Variants in ARL13B observed in about 807,000 individuals in gnomAD.
ARL13B encodes the protein ADP-ribosylation factor-like protein 13B.
A neutral mutation model predicts 56.1 loss-of-function variants in ARL13B; 36 were observed. The ratio of observed to expected loss-of-function variants is 0.64; its 90% CI spans 0.49 to 0.85. The LOEUF is 0.85. Among genes scored for constraint, ARL13B ranks in the 40% least tolerant of loss-of-function variants. The pLI, the probability that ARL13B is intolerant of heterozygous loss-of-function variation, is 0.00. For synonymous variants in ARL13B, 178 were observed against 171.1 expected (o/e 1.04, Z -0.32); for missense variants, 519 against 507.1 (o/e 1.02, Z -0.23).
At chr3:94,052,288 A>T (rs545225575) in intron 9 of ARL13B, among the ~76,000 whole-genome samples, 67 of 152,262 alleles carry the variant, frequency 4.4e-4, no homozygotes, top group Non-Finnish European at 7.9e-4. Flanking sequence ...GATGAATAAG[A>T]TGTACATTCT....
chr3:94,046,388 T>G (rs1402800544), intron 7 of ARL13B, among the ~76,000 whole-genome samples: 1 of 152,142 alleles, frequency 6.6e-6, no homozygotes, highest in East Asian at 1.9e-4. Context: ...TATATACTAT[T>G]CCTTGAATAT....
At chr3:94,026,571 G>A (rs1430886961) in intron 3 of ARL13B, among the ~76,000 whole-genome samples, 16 of 152,232 alleles carry the variant, frequency 1.1e-4, no homozygotes, top group Non-Finnish European at 8.8e-5. Flanking sequence ...GAATTAGAAT[G>A]TTAGGCAAAA....
At chr3:94,032,570 C>T (rs895862453) in intron 3 of ARL13B, among the ~76,000 whole-genome samples, 1 of 152,002 alleles carries the variant, frequency 6.6e-6, no homozygotes, top group Non-Finnish European at 1.5e-5. Flanking sequence ...GATCTCGGCT[C>T]ACTGCAAGCT....
At position 94,029,134 on chromosome 3, in the gene ARL13B, T is replaced by G. The variant is rs1437082383; in HGVS notation, c.381-6197T>G. Reference sequence around the variant, plus strand: ...CAGCAATATATGTTAAATCATTTATTTTGTCAATATAACAACTCAAAATTA... The same window carrying G: ...CAGCAATATATGTTAAATCATTTATGTTGTCAATATAACAACTCAAAATTA... On this transcript the variant is annotated intron_variant, in intron 3 of 9. Coordinates refer to ENST00000394222, the MANE Select transcript of ARL13B (RefSeq NM_001174150.2). 2.0e-5 allele frequency among the ~76,000 whole-genome samples: 3 copies of G among 150,968 alleles called. 1 individual carries two copies. In the East Asian group the frequency reaches 5.8e-4, roughly 29 times the overall value.
chr3:94,051,018 T>C (rs2077058649), intron 9 of ARL13B, 126 bp downstream of exon 9: 4 of 768,996 alleles, frequency 5.2e-6, no homozygotes, highest in Non-Finnish European at 8.4e-6. Flanking sequence ...GCTATCCTTT[T>C]TCATTATACG....
chr3:94,049,884 G>A (rs1015732681), intron 8 of ARL13B, among the ~76,000 whole-genome samples: 1 of 151,790 alleles, frequency 6.6e-6, no homozygotes, highest in East Asian at 1.9e-4. Context: ...TCGGCATGGT[G>A]GCTGACACCT....
At chr3:94,005,315 G>T (rs1039688313) in intron 3 of ARL13B, among the ~76,000 whole-genome samples, 1 of 152,126 alleles carries the variant, frequency 6.6e-6, no homozygotes, top group Admixed American at 6.5e-5. Context: ...ACAAGTAAAA[G>T]AATATCAGAA....
At chr3:94,052,171 A>T (rs532868137) in intron 9 of ARL13B, among the ~76,000 whole-genome samples, 1 of 152,186 alleles carries the variant, frequency 6.6e-6, no homozygotes, top group Non-Finnish European at 1.5e-5. Context: ...TTATATGTAC[A>T]CACATACATA....
At position 94,053,228 on chromosome 3, in the gene ARL13B, CG is replaced by C; in HGVS notation, c.1253del (p.Arg418HisfsTer9). ...KPLPPLAVPQ[R>X]PNSDAHDVIS is the part of the protein sequence containing the mutation. ...ACTGCCTCCCCTGGCTGTGCCACAGCGACCTAACAGTGATGCTCATGATGTG... is the reference window on the plus strand; with the variant it reads ...ACTGCCTCCCCTGGCTGTGCCACAGCACCTAACAGTGATGCTCATGATGTG... On this transcript the variant is annotated frameshift_variant, in exon 10 of 10. Coordinates refer to ENST00000394222, the MANE Select transcript of ARL13B (RefSeq NM_001174150.2). LOFTEE classifies it high-confidence loss of function. 1.2e-6 allele frequency: 2 copies of C among 1,613,228 alleles called. No individual in the cohort carries two copies. Among genetic ancestry groups the C allele is most frequent in the Non-Finnish European group, 1.7e-6 (2 of 1,179,732 alleles).
chr3:94,052,300 C>T (rs917653077), intron 9 of ARL13B, among the ~76,000 whole-genome samples: 3 of 151,954 alleles, frequency 2.0e-5, no homozygotes, highest in Non-Finnish European at 4.4e-5. Flanking sequence ...GTACATTCTG[C>T]CTTTGTGAGG....
intron 3 of ARL13B, among the ~76,000 whole-genome samples, chr3:94,025,621 A>G (rs1349595331): frequency 6.6e-6 from 1 of 152,226 alleles, no homozygotes; most frequent in Non-Finnish European, 1.5e-5. Context: ...GAGTTATACA[A>G]GAATGCTCTG....
chr3:94,029,028 C>T (rs550303729), intron 3 of ARL13B, among the ~76,000 whole-genome samples: 5 of 151,818 alleles, frequency 3.3e-5, no homozygotes, highest in South Asian at 2.1e-4. Context: ...ATTCATCCCA[C>T]GTTACTTTTA....
intron 1 of ARL13B, among the ~76,000 whole-genome samples, chr3:93,990,528 T>C (rs2075854216): frequency 6.6e-6 from 1 of 152,218 alleles, no homozygotes. Context: ...AAAGTTTTGA[T>C]TGCAGCCTGT....
In ARL13B at chr3:94,053,925, A is replaced by G. The variant is rs983074744; in HGVS notation, c.*662A>G. 3.1e-6 allele frequency: 1 copy of G among 321,058 alleles called. No individual in the cohort carries two copies. Among genetic ancestry groups the G allele is most frequent in the African/African-American group, 2.2e-5 (1 of 45,804 alleles). The allele number at this position is 321,058 out of a possible 1,614,324, so 19.9% of individuals were successfully genotyped here. A position where few individuals can be genotyped will look rare whatever the true frequency, so the allele number is the denominator to read the frequency against. On this transcript the variant is annotated 3_prime_UTR_variant, in exon 10 of 10. Transcript: ENST00000394222. The stretch of plus-strand genomic sequence containing the variant: ...CGTAATTTGACCTAATTTAAAAATA[A>G]TATATTTTCGAAGTAGTAGATTCTC...
chr3:94,042,927 T>A, intron 6 of ARL13B, 88 bp from the exon 7 acceptor site: 1 of 1,062,172 alleles, frequency 9.4e-7, no homozygotes, highest in Non-Finnish European at 1.4e-6. Context: ...AGTTACAGAA[T>A]CCTGTTAAGG....
chr3:94,003,735 C>G lies in ARL13B; in HGVS notation c.207C>G (p.Ile69Met), dbSNP rs761501185. 1.2e-6 allele frequency: 2 copies of G among 1,613,596 alleles called. No homozygotes were observed. The highest frequency in any genetic ancestry group is 8.5e-7 in the Non-Finnish European group (1 of 1,179,696). The change falls in exon 3 of 10, where the codon ATC (isoleucine) becomes ATG (methionine). Residue 69 changes from isoleucine (I) to methionine (M), a missense_variant. Transcript: ENST00000394222. ...NLRQGKFEVT[I>M]FDLGGGIRIR... ...GACAAGGAAAGTTTGAAGTCACCAT[C>G]TTTGACTTGGGAGGTGGAATAAGAA...
intron 3 of ARL13B, among the ~76,000 whole-genome samples, chr3:94,008,057 A>G (rs909970017): frequency 2.0e-5 from 3 of 152,176 alleles, no homozygotes; most frequent in Non-Finnish European, 2.9e-5. Context: ...AAGTAACTGT[A>G]AAATATTCTA....
Position 94,053,167 on chromosome 3 carries a change from G to T in ARL13B, c.1211-20G>T, listed in dbSNP as rs1296477933. 7 of 1,600,418 alleles carry T rather than the reference G, an allele frequency of 4.4e-6. No individual in the cohort carries two copies. Among genetic ancestry groups the T allele is most frequent in the African/African-American group, 4.0e-5 (3 of 74,684 alleles). Reference sequence around the variant, plus strand: ...TGTACCATAACTGTTTTGTGCATTTGGTTTTCTTTCTTTTCTTAGATTTCT... The same window carrying T: ...TGTACCATAACTGTTTTGTGCATTTTGTTTTCTTTCTTTTCTTAGATTTCT... On this transcript the variant is annotated intron_variant, in intron 9 of 9. Transcript: ENST00000394222.
At chr3:93,982,826 C>G (rs1710284009) in intron 1 of ARL13B, among the ~76,000 whole-genome samples, 1 of 152,042 alleles carries the variant, frequency 6.6e-6, no homozygotes. Flanking sequence ...TTCGATTTTT[C>G]TTAGTAATAA....
Sources: gnomAD v4.1 joint callset for allele counts (sites outside exome capture counted in the v4.1 genomes callset) on GRCh38, gnomAD v4.1.1 for gene constraint, MANE v1.5 for transcripts, NCBI Gene and HGNC (gene_info 2026-07-23, HGNC 2026-07-21) for gene names.